Variants in PI4KA observed in about 807,000 individuals in gnomAD.
PI4KA encodes the protein PI4-kinase alpha.
In PI4KA, 122 loss-of-function variants were observed where a neutral mutation model predicts 271.4. That is an observed-to-expected ratio of 0.45 (90% CI 0.39 to 0.52). The LOEUF is 0.52. Ranked by LOEUF, PI4KA falls within the 20% of genes least tolerant of loss-of-function variation. The pLI, the probability that PI4KA is intolerant of heterozygous loss-of-function variation, is 0.00. For synonymous variants in PI4KA, 1,041 were observed against 1,078.8 expected (o/e 0.96, Z 0.69); for missense variants, 1,969 against 2,769.1 (o/e 0.71, Z 6.48).
At chr22:20,765,296 T>A in intron 20 of PI4KA, 60 bp from the exon 21 acceptor site, 1 of 1,503,782 alleles carries the variant, frequency 6.6e-7, no homozygotes, top group South Asian at 1.3e-5. Flanking sequence ...TGCAGTGAGG[T>A]TGACTGACAA....
intron 19 of PI4KA, chr22:20,783,888 AGG>A (rs1933993198): frequency 6.3e-7 from 1 of 1,590,020 alleles, no homozygotes; most frequent in African/African-American, 1.3e-5. Flanking sequence ...TGAGGCCTCC[AGG>A]GAAATCAGAT....
chr22:20,717,199 GGA>G (rs927673173), intron 45 of PI4KA, among the ~76,000 whole-genome samples: 90 of 152,280 alleles, frequency 5.9e-4, no homozygotes, highest in African/African-American at 2.1e-3. Flanking sequence ...AAAAAGAAAT[GGA>G]GAGAGAGCTG....
At chr22:20,717,660 C>A (rs748731776) in intron 45 of PI4KA, 48 bp downstream of exon 45, 9 of 1,445,238 alleles carry the variant, frequency 6.2e-6, no homozygotes, top group Middle Eastern at 3.5e-4. Context: ...CCCCGCCGCC[C>A]GCCTGCAGGA....
chr22:20,820,015 GA>G, intron 5 of PI4KA, 115 bp from the exon 6 acceptor site: 1 of 938,186 alleles, frequency 1.1e-6, no homozygotes, highest in Non-Finnish European at 1.6e-6. Flanking sequence ...TAATAACTGT[GA>G]AGGTTCACAA....
At chr22:20,736,489 G>C (rs1441664908) in intron 32 of PI4KA, 2 of 153,686 alleles carry the variant, frequency 1.3e-5, no homozygotes, top group Non-Finnish European at 2.9e-5. Context: ...CCTGGGGTTG[G>C]GGAGCAGGAG....
intron 36 of PI4KA, among the ~76,000 whole-genome samples, chr22:20,731,495 G>T (rs986041525): frequency 6.6e-6 from 1 of 150,990 alleles, no homozygotes; most frequent in African/African-American, 2.4e-5. Flanking sequence ...AGGCTGAGGC[G>T]GGCGGATCAG....
chr22:20,708,011 G>C lies in PI4KA; in HGVS notation c.*36C>G. On this transcript the variant is annotated 3_prime_UTR_variant, in exon 55 of 55. Transcript: ENST00000255882. ...CTCCATGATTGTGGGACAGCTTTGAGGGCACATGGGGCAGAGGCCCTCGAA... is the reference window on the plus strand; with the variant it reads ...CTCCATGATTGTGGGACAGCTTTGACGGCACATGGGGCAGAGGCCCTCGAA... The C allele has an allele frequency of 6.5e-7, 1 of 1,543,254 alleles. No individual in the cohort carries two copies.
rs1448405989 is a variant in PI4KA, at chr22:20,749,929, A to C, written c.3219T>G (p.Pro1073=). The C allele has an allele frequency of 1.9e-6, 3 of 1,612,084 alleles. No homozygotes were observed. In the Admixed American group the frequency reaches 5.0e-5, roughly 27 times the overall value. Residue 1073 remains proline, a synonymous_variant, in exon 28 of 55, where the codon CCT becomes CCG. Coordinates refer to ENST00000255882, the MANE Select transcript of PI4KA (RefSeq NM_058004.4). The part of the protein sequence containing the change: ...MILQEAMKWA[P]TVTKSHLQEY... ...CCTGCAGGTGGGACTTGGTGACGGT[A>C]GGTGCCCACTTCATGGCCTCCTGGA...
At chr22:20,772,097 CATTT>C (rs748559482) in intron 19 of PI4KA, among the ~76,000 whole-genome samples, 1 of 152,204 alleles carries the variant, frequency 6.6e-6, no homozygotes, top group Non-Finnish European at 1.5e-5. Flanking sequence ...TTAATTTTCT[CATTT>C]AATTAATGAG....
intron 7 of PI4KA, among the ~76,000 whole-genome samples, chr22:20,817,613 A>AGTCCTAGC (rs1312492121): frequency 6.6e-6 from 1 of 151,032 alleles, no homozygotes; most frequent in East Asian, 1.9e-4. Flanking sequence ...GGGTGCCTAT[A>AGTCCTAGC]GTCCTAGCTA....
chr22:20,783,733 A>G (rs879346227), intron 19 of PI4KA, among the ~76,000 whole-genome samples: 38 of 152,168 alleles, frequency 2.5e-4, no homozygotes, highest in Non-Finnish European at 4.4e-4. Context: ...TGGTCAAACA[A>G]CTAGTTCGTA....
chr22:20,772,209 C>T (rs746247198), intron 19 of PI4KA, among the ~76,000 whole-genome samples: 33 of 152,214 alleles, frequency 2.2e-4, no homozygotes, highest in Admixed American at 1.6e-3. Flanking sequence ...GAGCTGGAGG[C>T]CAAGGGGCAA....
At chr22:20,762,651 C>T (rs1932093729) in intron 22 of PI4KA, among the ~76,000 whole-genome samples, 1 of 152,128 alleles carries the variant, frequency 6.6e-6, no homozygotes, top group Non-Finnish European at 1.5e-5. Flanking sequence ...CTCTTCTAGC[C>T]GTACATGCTG....
chr22:20,786,891 C>G, intron 19 of PI4KA: 1 of 1,614,166 alleles, frequency 6.2e-7, no homozygotes, highest in Non-Finnish European at 8.5e-7. Flanking sequence ...CACCAAGGCA[C>G]GATCACAGTG....
At chr22:20,744,887 C>T (rs1238037020) in intron 29 of PI4KA, among the ~76,000 whole-genome samples, 167 bp from the exon 30 acceptor site, 1 of 152,020 alleles carries the variant, frequency 6.6e-6, no homozygotes, top group African/African-American at 2.4e-5. Context: ...TTTTAGAATA[C>T]CCAGCAGTTT....
chr22:20,855,515 T>C (rs1927486998), intron 1 of PI4KA, among the ~76,000 whole-genome samples: 1 of 152,166 alleles, frequency 6.6e-6, no homozygotes, highest in Non-Finnish European at 1.5e-5. Context: ...ATAGTTGTAC[T>C]CATGGCTAAA....
rs749978920 is a variant in PI4KA, at chr22:20,729,973, C to T, written c.4327G>A (p.Gly1443Ser). Reference sequence around the variant, plus strand: ...CCTTGGGTGGCTTGTTGCCGAGAGCCGACAGTTATGTCCAGGTTGCTCCGG... The same window carrying T: ...CCTTGGGTGGCTTGTTGCCGAGAGCTGACAGTTATGTCCAGGTTGCTCCGG... ...DTRSNLDITV[G>S]SRQQATQGWI... The change falls in exon 37 of 55, where the codon GGC becomes AGC. Residue 1443 changes from glycine to serine, a missense_variant. Gly to Ser is a moderately conservative substitution (Grantham distance 56, BLOSUM62 0). Transcript: ENST00000255882. 9 of 1,614,092 alleles carry T rather than the reference C, an allele frequency of 5.6e-6. No homozygotes were observed. The highest frequency in any genetic ancestry group is 6.8e-6 in the Non-Finnish European group (8 of 1,180,000).
At chr22:20,786,485 A>T (rs1187084117) in intron 19 of PI4KA, among the ~76,000 whole-genome samples, 2 of 152,174 alleles carry the variant, frequency 1.3e-5, no homozygotes, top group East Asian at 3.9e-4. Flanking sequence ...TAAACACCGC[A>T]CTATACACAT....
chr22:20,724,304 T>TAA (rs879345723), intron 42 of PI4KA, among the ~76,000 whole-genome samples: 1 of 125,828 alleles, frequency 7.9e-6, no homozygotes. Context: ...AAACTCTGTC[T>TAA]AAAAAAAAAA....
Sources: gnomAD v4.1 joint callset for allele counts (sites outside exome capture counted in the v4.1 genomes callset) on GRCh38, gnomAD v4.1.1 for gene constraint, MANE v1.5 for transcripts, NCBI Gene and HGNC (gene_info 2026-07-23, HGNC 2026-07-21) for gene names.